SRCIN1: variants seen among roughly 807,000 people sequenced by gnomAD.
The protein encoded by SRCIN1 is SRC kinase signaling inhibitor 1, also known as P130Cas-associated protein.
A neutral mutation model predicts 116.2 loss-of-function variants in SRCIN1; 50 were observed. That is an observed-to-expected ratio of 0.43 (90% CI 0.34 to 0.54). The LOEUF (loss-of-function observed/expected upper bound fraction) is 0.54, where lower values mean the gene tolerates loss of function less well. Ranked by LOEUF, SRCIN1 falls within the 20% of genes least tolerant of loss-of-function variation. SRCIN1 has a pLI of 0.02. For missense variants in SRCIN1, 1,446 were observed against 1,672.0 expected (o/e 0.86, Z 2.36); for synonymous variants, 736 against 750.0 (o/e 0.98, Z 0.30).
intron 18 of SRCIN1, among the ~76,000 whole-genome samples, chr17:38,540,276 A>G (rs972404621): frequency 1.3e-5 from 2 of 152,114 alleles, no homozygotes; most frequent in East Asian, 1.9e-4. Context: ...AGGCACCTCC[A>G]TCTTAGAACT....
intron 1 of SRCIN1, among the ~76,000 whole-genome samples, chr17:38,593,155 G>A (rs1200227299): frequency 6.6e-6 from 1 of 152,198 alleles, no homozygotes; most frequent in African/African-American, 2.4e-5. Context: ...GAGCCCAGAG[G>A]CGGTTGTTGG....
At chr17:38,574,367 G>C (rs1394828157) in intron 2 of SRCIN1, among the ~76,000 whole-genome samples, 1 of 152,222 alleles carries the variant, frequency 6.6e-6, no homozygotes, top group Non-Finnish European at 1.5e-5. Context: ...GTTCAGAATA[G>C]ATGGCTTGAT....
intron 1 of SRCIN1, among the ~76,000 whole-genome samples, chr17:38,583,873 A>G (rs1258894734): frequency 1.3e-5 from 2 of 152,112 alleles, no homozygotes; most frequent in African/African-American, 4.8e-5. Context: ...GCTTTCAATG[A>G]AAGACATTCC....
In SRCIN1 at chr17:38,578,529, G is replaced by A. The variant is rs1176671413; in HGVS notation, c.285C>T (p.Ala95=). 2 of 1,597,866 alleles carry A rather than the reference G, an allele frequency of 1.3e-6. No homozygotes were observed. The highest frequency in any genetic ancestry group is 2.3e-5 in the East Asian group (1 of 44,352). ...DHLKSKYPQH[A]LALRGQQDRM... ...TGTCCTGCTGGCCTCGCAGGGCCAGGGCGTGCTGTGGGTACTTGCTCTTCA... is the reference window on the plus strand; with the variant it reads ...TGTCCTGCTGGCCTCGCAGGGCCAGAGCGTGCTGTGGGTACTTGCTCTTCA... Residue 95 remains alanine (A), a synonymous_variant, in exon 2 of 19, where the codon GCC becomes GCT. Transcript: ENST00000617146.
chr17:38,539,368 G>A lies in SRCIN1; in HGVS notation c.3417+4455C>T, dbSNP rs552687214. On this transcript the variant is annotated intron_variant, in intron 18 of 18. Coordinates refer to ENST00000617146, the MANE Select transcript of SRCIN1 (RefSeq NM_025248.3). ...GCCTCCCAAAGTGGGGATTACAGGCGTGAGCCACTGCCCCTGGCCTCCCAG... is the reference window on the plus strand; with the variant it reads ...GCCTCCCAAAGTGGGGATTACAGGCATGAGCCACTGCCCCTGGCCTCCCAG... 7.9e-5 allele frequency among the ~76,000 whole-genome samples: 12 copies of A among 152,308 alleles called. No individual in the cohort carries two copies. In the East Asian group the frequency reaches 1.7e-3, roughly 22 times the overall value.
intron 1 of SRCIN1, among the ~76,000 whole-genome samples, chr17:38,597,067 C>T (rs1908764210): frequency 6.6e-6 from 1 of 152,220 alleles, no homozygotes; most frequent in African/African-American, 2.4e-5. Context: ...CCATCCATAC[C>T]CACAACACGT....
chr17:38,536,529 T>A (rs552517785), intron 18 of SRCIN1, among the ~76,000 whole-genome samples: 1 of 152,360 alleles, frequency 6.6e-6, no homozygotes, highest in African/African-American at 2.4e-5. Flanking sequence ...GCCGGCCACC[T>A]GCTCTCGCCA....
At chr17:38,549,639 T>C (rs769414140) in intron 15 of SRCIN1, among the ~76,000 whole-genome samples, 16 of 152,100 alleles carry the variant, frequency 1.1e-4, no homozygotes, top group Non-Finnish European at 1.9e-4. Flanking sequence ...CCATCTCTCC[T>C]CCAGGGATCC....
intron 1 of SRCIN1, among the ~76,000 whole-genome samples, chr17:38,591,379 C>T (rs1908432951): frequency 6.6e-6 from 1 of 152,278 alleles, no homozygotes; most frequent in African/African-American, 2.4e-5. Flanking sequence ...CATAAGCCCT[C>T]AGGTCCTTCC....
intron 18 of SRCIN1, 131 bp from the exon 19 acceptor site, chr17:38,533,562 A>T: frequency 3.3e-6 from 1 of 304,906 alleles, no homozygotes; most frequent in South Asian, 5.1e-5. Flanking sequence ...AAGAAGCCAG[A>T]GGGGCATCTG....
At chr17:38,606,767 G>T (rs1271832979), upstream of SRCIN1, among the ~76,000 whole-genome samples, 4 of 152,144 alleles carry the variant, frequency 2.6e-5, no homozygotes, top group African/African-American at 9.7e-5. The surrounding 1 kb of genome is among the most constrained non-coding windows in gnomAD (Gnocchi z 5.2). Context: ...CTACCTGTTG[G>T]CTCCGCAGAC....
intron 3 of SRCIN1, among the ~76,000 whole-genome samples, chr17:38,567,505 T>C (rs1375587050): frequency 2.0e-5 from 3 of 151,976 alleles, no homozygotes; most frequent in Non-Finnish European, 4.4e-5. Context: ...ACCTGGGGAG[T>C]CTGGGTGGGA....
chr17:38,586,774 C>T (rs536363457), intron 1 of SRCIN1, among the ~76,000 whole-genome samples: 11 of 152,348 alleles, frequency 7.2e-5, no homozygotes, highest in African/African-American at 2.2e-4. Context: ...GGCAGAAAAA[C>T]ACAAACCAAT....
rs896702065 is a variant in SRCIN1, at chr17:38,604,653, CG to C, written c.22+1030del. On this transcript the variant is annotated intron_variant, in intron 1 of 18. Coordinates refer to ENST00000617146, the MANE Select transcript of SRCIN1 (RefSeq NM_025248.3). This position sits in a 1 kb window ranked among gnomAD's most constrained non-coding sequence, Gnocchi z 4.3. Reference sequence around the variant, plus strand: ...GCACCAGCAGCCGCACACGCCCCGCCGGGCCCTGACAGCTGAGCTGCGGAGG... The same window carrying C: ...GCACCAGCAGCCGCACACGCCCCGCCGGCCCTGACAGCTGAGCTGCGGAGG... The C allele has an allele frequency of 1.0e-4, 42 of 401,468 alleles. No individual in the cohort carries two copies. The highest frequency in any genetic ancestry group is 1.8e-4 in the Non-Finnish European group (36 of 201,028). The allele number at this position is 401,468 out of a possible 1,614,324, so 24.9% of individuals were successfully genotyped here. A position where few individuals can be genotyped will look rare whatever the true frequency, so the allele number is the denominator to read the frequency against.
chr17:38,563,258 G>A lies in SRCIN1; in HGVS notation c.740+65C>T, dbSNP rs772259272. 894 of 1,535,716 alleles carry A rather than the reference G, an allele frequency of 5.8e-4. No homozygotes were observed. The highest frequency in any genetic ancestry group is 7.4e-4 in the Non-Finnish European group (842 of 1,137,814). ...AAGGAGCTGGGGAAGGGCCGGCGGG[G>A]TCCAGCACCCTGCAGAGGAGGAGCG... On this transcript the variant is annotated intron_variant, in intron 5 of 18. Transcript: ENST00000617146. The surrounding 1 kb of genome is among the most constrained non-coding windows in gnomAD (Gnocchi z 5.8).
In SRCIN1 at chr17:38,561,806, T is replaced by C; in HGVS notation, c.1357A>G (p.Lys453Glu). 1.3e-6 allele frequency: 2 copies of C among 1,486,636 alleles called. No homozygotes were observed. Among genetic ancestry groups the C allele is most frequent in the Non-Finnish European group, 1.8e-6 (2 of 1,125,854 alleles). The allele number at this position is 1,486,636 out of a possible 1,614,324, so 92.1% of individuals were successfully genotyped here. A position where few individuals can be genotyped will look rare whatever the true frequency, so the allele number is the denominator to read the frequency against. The change falls in exon 7 of 19, where the codon AAG (lysine) becomes GAG (glutamate). Residue 453 changes from lysine to glutamate, a missense_variant. Coordinates refer to ENST00000617146, the MANE Select transcript of SRCIN1 (RefSeq NM_025248.3). The stretch of plus-strand genomic sequence containing the variant: ...AGCGGGCCGCCGCCGCCCGCCGCCT[T>C]GTACAGGGAGTCCTCCAGATCGGAC... ...LQSDLEDSLY[K>E]AAGGGGPLYG...
chr17:38,543,240 G>A, intron 18 of SRCIN1: 1 of 455,844 alleles, frequency 2.2e-6, no homozygotes, highest in Admixed American at 2.4e-5. Flanking sequence ...AAGACGGGAG[G>A]TGACCCCACT....
Position 38,530,294 on chromosome 17 carries a change from G to T in SRCIN1, c.*3003C>A, listed in dbSNP as rs1248213354. ...GTGGAGCCGGGGCTCACCCCGGGGG[G>T]CCCCCTGGGGACCCCACTCAGAGCC... is the stretch of plus-strand genomic sequence containing the variant. On this transcript the variant is annotated 3_prime_UTR_variant, in exon 19 of 19. Coordinates refer to ENST00000617146, the MANE Select transcript of SRCIN1 (RefSeq NM_025248.3). 1 of 152,114 alleles carries T rather than the reference G, an allele frequency of 6.6e-6. No individual in the cohort carries two copies. The highest frequency in any genetic ancestry group is 2.1e-4 in the South Asian group (1 of 4,808). The allele number at this position is 152,114 out of a possible 1,614,324, so 9.4% of individuals were successfully genotyped here. A position where few individuals can be genotyped will look rare whatever the true frequency, so the allele number is the denominator to read the frequency against.
chr17:38,557,179 C>A (rs1222495467), intron 11 of SRCIN1, among the ~76,000 whole-genome samples: 1 of 152,206 alleles, frequency 6.6e-6, no homozygotes, highest in Non-Finnish European at 1.5e-5. Context: ...GCTATGTGGG[C>A]CTCAGGCTGA....
Sources: allele counts gnomAD v4.1 joint callset (sites outside exome capture counted in the v4.1 genomes callset), GRCh38; gene constraint gnomAD v4.1.1; non-coding constraint Gnocchi (gnomAD v3.1); transcripts MANE v1.5; gene names NCBI Gene and HGNC (gene_info 2026-07-23, HGNC 2026-07-21).